Variants in MET observed in about 807,000 individuals in gnomAD.
MET encodes hepatocyte growth factor receptor.
Under a neutral mutation model 133.1 loss-of-function variants are expected in MET, and 48 were observed. The observed-to-expected ratio is 0.36, with a 90% confidence interval of 0.29 to 0.46. MET has a LOEUF of 0.46. MET is among the 20% of genes least tolerant of loss of function. The pLI is 1.00. For synonymous variants in MET, 628 were observed against 616.5 expected, an observed-to-expected ratio of 1.02 and a Z score of -0.28; for missense variants, 1,442 against 1,695.9, an observed-to-expected ratio of 0.85 and a Z score of 2.63.
At chr7:116,687,671 C>G (rs996198269) in intron 1 of MET, among the ~76,000 whole-genome samples, 1 of 152,144 alleles carries the variant, frequency 6.6e-6, no homozygotes, top group Non-Finnish European at 1.5e-5. Flanking sequence ...AAAAAGAGAC[C>G]TTAGTTCATA....
chr7:116,699,191 A>G lies in MET; in HGVS notation c.107A>G (p.Asn36Ser), dbSNP rs1282716584. The change falls in exon 2 of 21, where the codon AAT (asparagine) becomes AGT (serine). Residue 36 changes from asparagine to serine, a missense_variant. Physicochemically the swap from Asn to Ser is conservative, Grantham distance 46 (BLOSUM62 1). Coordinates refer to ENST00000397752, the MANE Select transcript of MET (RefSeq NM_000245.4). ...GAGGCACTAGCAAAGTCCGAGATGA[A>G]TGTGAATATGAAGTATCAGCTTCCC... is the stretch of plus-strand genomic sequence containing the variant. The part of the protein sequence containing the change: ...CKEALAKSEM[N>S]VNMKYQLPNF... 3 of 1,613,846 alleles carry G rather than the reference A, an allele frequency of 1.9e-6. No homozygotes were observed. Among genetic ancestry groups the G allele is most frequent in the African/African-American group, 2.7e-5 (2 of 74,892 alleles).
intron 1 of MET, among the ~76,000 whole-genome samples, chr7:116,676,988 G>T (rs1190913769): frequency 3.4e-5 from 5 of 147,630 alleles, no homozygotes; most frequent in African/African-American, 5.0e-5. Flanking sequence ...GTGTTGTTTT[G>T]TTTTTTTTTT....
At chr7:116,682,788 A>G (rs796071410) in intron 1 of MET, among the ~76,000 whole-genome samples, 7 of 152,310 alleles carry the variant, frequency 4.6e-5, no homozygotes, top group African/African-American at 1.7e-4. Context: ...ATTTTTCGCC[A>G]TGCCCACTGC....
Position 116,774,973 on chromosome 7 carries a change from G to A in MET, c.3121G>A (p.Asp1041Asn), listed in dbSNP as rs2117030675. 6.2e-7 allele frequency: 1 copy of A among 1,614,118 alleles called. No individual in the cohort carries two copies. Among genetic ancestry groups the A allele is most frequent in the Non-Finnish European group, 8.5e-7 (1 of 1,179,980 alleles). ...MSPILTSGDSDISSPLLQNTV... is the reference protein window; with the variant it reads ...MSPILTSGDSNISSPLLQNTV... ...CCCCATCCTAACTAGTGGGGACTCT[G>A]ATATATCCAGTCCATTACTGCAAAA... Residue 1041 changes from aspartate to asparagine, a missense_variant, in exon 15 of 21, where the codon GAT (aspartate) becomes AAT (asparagine). Around this residue, in one of 6 missense-constraint regions of MET, gnomAD observed 514 missense variants for 659.6 expected, o/e 0.78. Transcript: ENST00000397752.
intron 1 of MET, among the ~76,000 whole-genome samples, chr7:116,694,692 G>A (rs575862671): frequency 6.6e-6 from 1 of 151,712 alleles, no homozygotes; most frequent in Non-Finnish European, 1.5e-5. Flanking sequence ...TTTTGTTTTT[G>A]TTTTTATTTT....
chr7:116,744,015 C>G (rs1206633447), intron 5 of MET, among the ~76,000 whole-genome samples: 1 of 152,090 alleles, frequency 6.6e-6, no homozygotes, highest in Non-Finnish European at 1.5e-5. Flanking sequence ...AACGTCCACA[C>G]AAAAACCCTA....
At chr7:116,703,756 G>A (rs935065561) in intron 2 of MET, among the ~76,000 whole-genome samples, 8 of 152,042 alleles carry the variant, frequency 5.3e-5, no homozygotes, top group African/African-American at 1.9e-4. Flanking sequence ...TACAGAATAA[G>A]AGAATTTTTT....
At chr7:116,726,607 A>G (rs990722629) in intron 2 of MET, among the ~76,000 whole-genome samples, 7 of 152,156 alleles carry the variant, frequency 4.6e-5, no homozygotes, top group African/African-American at 1.7e-4. Context: ...TGGAAAGTGG[A>G]GCACAGCTGC....
At chr7:116,717,819 C>A (rs959055914) in intron 2 of MET, among the ~76,000 whole-genome samples, 3 of 152,250 alleles carry the variant, frequency 2.0e-5, no homozygotes, top group Non-Finnish European at 4.4e-5. Context: ...ATTACATATT[C>A]ACTGCATACA....
chr7:116,726,434 C>A (rs1459690936), intron 2 of MET, among the ~76,000 whole-genome samples: 1 of 151,778 alleles, frequency 6.6e-6, no homozygotes, highest in African/African-American at 2.4e-5. Context: ...ACGGTATCTT[C>A]CTGCAGCCTT....
chr7:116,757,658 T>G lies in MET; in HGVS notation c.1986T>G (p.Ile662Met), dbSNP rs1408351682. 1.9e-6 allele frequency: 3 copies of G among 1,614,058 alleles called. No individual in the cohort carries two copies. The highest frequency in any genetic ancestry group is 2.5e-6 in the Non-Finnish European group (3 of 1,179,974). The change falls in exon 8 of 21, where the codon ATT (isoleucine) becomes ATG (methionine). Residue 662 changes from isoleucine to methionine, a missense_variant. Ile to Met is a conservative substitution (Grantham distance 10). Around this residue, in one of 6 missense-constraint regions of MET, gnomAD observed 514 missense variants for 659.6 expected, o/e 0.78. Coordinates refer to ENST00000397752, the MANE Select transcript of MET (RefSeq NM_000245.4). ...FSYVDPVITSISPKYGPMAGG... is the reference protein window; with the variant it reads ...FSYVDPVITSMSPKYGPMAGG... Reference sequence around the variant, plus strand: ...TCCAGGATCCTGTAATAACAAGTATTTCGCCGAAATACGGTCCTATGGCTG... The same window carrying G: ...TCCAGGATCCTGTAATAACAAGTATGTCGCCGAAATACGGTCCTATGGCTG...
rs373312981 is a variant in MET at position 116,739,969 on chromosome 7, G to A, written c.1412G>A (p.Gly471Glu). Residue 471 changes from glycine to glutamate, a missense_variant, in exon 4 of 21, where the codon GGA becomes GAA. Gly to Glu is a moderately conservative substitution (Grantham distance 98). This residue lies in a region of MET where 762 missense variants were observed against 792.4 expected (regional missense o/e 0.96). Coordinates refer to ENST00000397752, the MANE Select transcript of MET (RefSeq NM_000245.4). ...GTTTAGGTTGTGGTTTCTCGATCAGGACCATCAACCCCTCATGTGAATTTT... is the reference window on the plus strand; with the variant it reads ...GTTTAGGTTGTGGTTTCTCGATCAGAACCATCAACCCCTCATGTGAATTTT... ...RFMQVVVSRS[G>E]PSTPHVNFLL... 279 of 1,613,932 alleles carry A rather than the reference G, an allele frequency of 1.7e-4. 1 individual carries two copies. The highest frequency in any genetic ancestry group is 2.2e-4 in the Non-Finnish European group (265 of 1,179,968).
chr7:116,795,958 G>A lies in MET; in HGVS notation c.4007G>A (p.Arg1336Gln), dbSNP rs369312680. Residue 1336 changes from arginine to glutamine, a missense_variant, in exon 21 of 21, where the codon CGG (arginine) becomes CAG (glutamine). Transcript: ENST00000397752. ...MRPSFSELVSRISAIFSTFIG... is the reference protein window; with the variant it reads ...MRPSFSELVSQISAIFSTFIG... ...CCATCCTTTTCTGAACTGGTGTCCC[G>A]GATATCAGCGATCTTCTCTACTTTC... 1.7e-5 allele frequency: 27 copies of A among 1,613,978 alleles called. No homozygotes were observed. The Middle Eastern group carries it at 6.6e-4, about 39-fold the overall frequency.
intron 2 of MET, among the ~76,000 whole-genome samples, chr7:116,723,481 T>C (rs1219322267): frequency 2.6e-5 from 4 of 152,228 alleles, no homozygotes; most frequent in African/African-American, 9.7e-5. Context: ...TTCTCTCAGC[T>C]CGCCAAAGTC....
intron 2 of MET, among the ~76,000 whole-genome samples, chr7:116,704,101 A>T (rs1390948619): frequency 1.3e-5 from 2 of 152,268 alleles, no homozygotes; most frequent in East Asian, 1.9e-4. Context: ...GGTTTACTGC[A>T]TACCAACCAT....
intron 2 of MET, among the ~76,000 whole-genome samples, chr7:116,710,703 T>TAA (rs994221243): frequency 2.0e-5 from 3 of 146,926 alleles, no homozygotes; most frequent in African/African-American, 7.5e-5. Context: ...GTTTTCTTAT[T>TAA]AAAAAAAAAA....
chr7:116,694,525 C>T (rs1333579078), intron 1 of MET, among the ~76,000 whole-genome samples: 1 of 151,956 alleles, frequency 6.6e-6, no homozygotes, highest in African/African-American at 2.4e-5. Context: ...ACTGATTTTC[C>T]ATTTCATCAA....
Position 116,776,871 on chromosome 7 carries a change from G to A in MET, c.3260-518G>A, listed in dbSNP as rs538388519. On this transcript the variant is annotated intron_variant, in intron 15 of 20. Transcript: ENST00000397752. ...TTCAGTTTCTGCCAACCTGGATTAC[G>A]TATTAACCAGTGACTAATGGGGAAA... Among the ~76,000 whole-genome samples, 9 of 152,298 alleles carry A rather than the reference G, an allele frequency of 5.9e-5. No homozygotes were observed. The East Asian group carries it at 1.3e-3, about 23-fold the overall frequency.
At chr7:116,779,291 A>G (rs1338494451) in intron 17 of MET, among the ~76,000 whole-genome samples, 2 of 152,208 alleles carry the variant, frequency 1.3e-5, no homozygotes, top group African/African-American at 4.8e-5. Flanking sequence ...CTCAGCCCAT[A>G]TGGAATGTTA....
Sources: allele counts gnomAD v4.1 joint callset (sites outside exome capture counted in the v4.1 genomes callset), GRCh38; gene constraint gnomAD v4.1.1; regional missense constraint gnomAD v4.1.1; transcripts MANE v1.5; gene names NCBI Gene and HGNC (gene_info 2026-07-23, HGNC 2026-07-21).